DAGLB: variants seen among roughly 807,000 people sequenced by gnomAD.
DAGLB encodes diacylglycerol lipase-beta.
DAGLB carries 66 observed loss-of-function variants against 72.1 expected under a neutral mutation model. The observed-to-expected ratio is 0.92, with a 90% CI of 0.75 to 1.12. DAGLB has a LOEUF of 1.12. Among genes scored for constraint, DAGLB ranks in the 50% most tolerant of loss-of-function variants. The probability of loss-of-function intolerance (pLI) is 0.00; values close to 1 mark genes in which losing one functional copy is unlikely to be tolerated. For missense variants in DAGLB, 1,065 were observed against 884.9 expected (o/e 1.20, Z -2.58); for synonymous variants, 414 against 359.5 (o/e 1.15, Z -1.71).
intron 2 of DAGLB, among the ~76,000 whole-genome samples, chr7:6,443,249 TAAAAAAAAAAA>T (rs60124255): frequency 5.1e-5 from 4 of 78,184 alleles, no homozygotes; most frequent in Middle Eastern, 0.015. Context: ...TTGTCTCTAC[TAAAAAAAAAAA>T]AAAAAAAAAA....
chr7:6,435,061 C>A lies in DAGLB; in HGVS notation c.420-41G>T, dbSNP rs1784611644. The A allele has an allele frequency of 1.9e-6, 3 of 1,600,608 alleles. No individual in the cohort carries two copies. The South Asian group carries it at 3.3e-5, about 18-fold the overall frequency. On this transcript the variant is annotated intron_variant, in intron 3 of 14. Coordinates refer to ENST00000297056, the MANE Select transcript of DAGLB (RefSeq NM_139179.4). The stretch of plus-strand genomic sequence containing the variant: ...AGGAAAAGGCTCGGTGACTGCGGGC[C>A]CCAGCCCAGACGCAGATGTCCGGGG...
chr7:6,409,499 G>A lies in DAGLB; in HGVS notation c.*338C>T, dbSNP rs535515389. On this transcript the variant is annotated 3_prime_UTR_variant, in exon 15 of 15. Coordinates refer to ENST00000297056, the MANE Select transcript of DAGLB (RefSeq NM_139179.4). ...GGTGGGAGGCTAAGGAACTGTTCAC[G>A]GTCTTCTGGGTGGGCCCTGGATTCC... 1.3e-4 allele frequency: 43 copies of A among 334,618 alleles called. No homozygotes were observed. The highest frequency in any genetic ancestry group is 7.8e-4 in the South Asian group (21 of 26,998). The allele number at this position is 334,618 out of a possible 1,614,324, so 20.7% of individuals were successfully genotyped here. A position where few individuals can be genotyped will look rare whatever the true frequency, so the allele number is the denominator to read the frequency against.
chr7:6,431,379 C>T (rs1784484112), intron 5 of DAGLB, among the ~76,000 whole-genome samples: 1 of 152,156 alleles, frequency 6.6e-6, no homozygotes, highest in African/African-American at 2.4e-5. Context: ...GAGAAGAAAG[C>T]AAACACACCC....
At chr7:6,441,248 G>A (rs1784821741) in intron 2 of DAGLB, among the ~76,000 whole-genome samples, 2 of 133,930 alleles carry the variant, frequency 1.5e-5, no homozygotes, top group Non-Finnish European at 3.5e-5. Flanking sequence ...CTGCCACCAC[G>A]CCTGGCTAAT....
intron 13 of DAGLB, among the ~76,000 whole-genome samples, chr7:6,411,224 G>C (rs1440923529): frequency 6.6e-6 from 1 of 151,004 alleles, no homozygotes; most frequent in Non-Finnish European, 1.5e-5. Context: ...AGTCAGGCTG[G>C]TCTCGAACTC....
At chr7:6,428,012 G>A (rs2115268559) in intron 6 of DAGLB, among the ~76,000 whole-genome samples, 1 of 152,206 alleles carries the variant, frequency 6.6e-6, no homozygotes, top group African/African-American at 2.4e-5. Context: ...TTTTTTATAG[G>A]AGAATGACAA....
intron 9 of DAGLB, among the ~76,000 whole-genome samples, chr7:6,419,677 C>A (rs893654029): frequency 1.3e-5 from 2 of 152,214 alleles, no homozygotes; most frequent in Admixed American, 1.3e-4. Flanking sequence ...AGCCAAGCCG[C>A]GGATCCTCAG....
chr7:6,430,391 A>G, intron 6 of DAGLB, 89 bp downstream of exon 6: 1 of 1,372,306 alleles, frequency 7.3e-7, no homozygotes, highest in Non-Finnish European at 9.5e-7. Flanking sequence ...AGTTCTTTGC[A>G]CTGTTCTTTC....
At chr7:6,432,318 C>T (rs982356765) in intron 5 of DAGLB, among the ~76,000 whole-genome samples, 2 of 150,106 alleles carry the variant, frequency 1.3e-5, no homozygotes, top group South Asian at 2.1e-4. Flanking sequence ...CACTCCAGCC[C>T]GAGCAACAAG....
chr7:6,420,905 C>A (rs577204424), intron 9 of DAGLB, among the ~76,000 whole-genome samples: 34 of 152,330 alleles, frequency 2.2e-4, no homozygotes, highest in Admixed American at 5.2e-4. Context: ...AATGACCCGG[C>A]AGAGCGCCCG....
chr7:6,420,473 A>G (rs1384506915), intron 9 of DAGLB, among the ~76,000 whole-genome samples: 4 of 151,998 alleles, frequency 2.6e-5, no homozygotes. Context: ...GGCCACTGAC[A>G]AAAGGACAAA....
intron 2 of DAGLB, chr7:6,445,751 C>T (rs1348046608): frequency 1.9e-6 from 1 of 526,474 alleles, no homozygotes; most frequent in Non-Finnish European, 3.1e-6. Flanking sequence ...GTGTGAGCCA[C>T]TGTGTCCCGC....
At chr7:6,434,705 A>G (rs1784598943) in intron 4 of DAGLB, 57 bp downstream of exon 4, 2 of 1,605,222 alleles carry the variant, frequency 1.2e-6, no homozygotes, top group African/African-American at 1.3e-5. Flanking sequence ...GACCGGCTCC[A>G]TCAGAAGCAT....
At position 6,430,546 on chromosome 7, in the gene DAGLB, GC is replaced by G. The variant is rs752613694; in HGVS notation, c.862del (p.Ala288ProfsTer72). ...CHHYMQFAAAAYGWPLYIYRN... is the reference protein window; with the variant it reads ...CHHYMQFAAAXYGWPLYIYRN... ...GTAGATGTAGAGGGGCCACCCATAG[GC>G]CGCTGCTGCAAACTGCATGTAATGA... On this transcript the variant is annotated frameshift_variant, in exon 6 of 15. Transcript: ENST00000297056. LOFTEE classifies it high-confidence loss of function. The G allele has an allele frequency of 3.7e-6, 6 of 1,602,850 alleles. No individual in the cohort carries two copies. The highest frequency in any genetic ancestry group is 5.1e-6 in the Non-Finnish European group (6 of 1,172,670).
Position 6,435,046 on chromosome 7 carries a change from T to G in DAGLB, c.420-26A>C, listed in dbSNP as rs754606399. 3 of 1,609,676 alleles carry G rather than the reference T, an allele frequency of 1.9e-6. No individual in the cohort carries two copies. In the East Asian group the frequency reaches 6.7e-5, roughly 36 times the overall value. On this transcript the variant is annotated intron_variant, in intron 3 of 14. Coordinates refer to ENST00000297056, the MANE Select transcript of DAGLB (RefSeq NM_139179.4). The stretch of plus-strand genomic sequence containing the variant: ...CTGCAAGACAGAGAGAGGAAAAGGC[T>G]CGGTGACTGCGGGCCCCAGCCCAGA...
intron 2 of DAGLB, among the ~76,000 whole-genome samples, chr7:6,443,849 G>A (rs962908578): frequency 1.3e-5 from 2 of 152,108 alleles, no homozygotes; most frequent in African/African-American, 2.4e-5. Flanking sequence ...TCCTTTATTA[G>A]TCACCACAGT....
At position 6,416,887 on chromosome 7, in the gene DAGLB, CGTT is replaced by C; in HGVS notation, c.1250_1252del (p.Gln417del). ...GCTCAAAATCCCGTCGTTGATGAGT[CGTT>C]GGTAAACGTATCTGGCAGCTTGAGA... On this transcript the variant is annotated inframe_deletion, in exon 10 of 15. Coordinates refer to ENST00000297056, the MANE Select transcript of DAGLB (RefSeq NM_139179.4). The C allele has an allele frequency of 6.2e-7, 1 of 1,614,182 alleles. No individual in the cohort carries two copies. Among genetic ancestry groups the C allele is most frequent in the Non-Finnish European group, 8.5e-7 (1 of 1,180,036 alleles).
At chr7:6,437,157 A>ATAATAG (rs1562487965) in intron 2 of DAGLB, among the ~76,000 whole-genome samples, 1 of 126,080 alleles carries the variant, frequency 7.9e-6, no homozygotes, top group East Asian at 2.1e-4. Flanking sequence ...CCGTCTCAAA[A>ATAATAG]TAATAATAAT....
At chr7:6,414,996 C>CTG (rs1380092856) in intron 11 of DAGLB, among the ~76,000 whole-genome samples, 1 of 151,924 alleles carries the variant, frequency 6.6e-6, no homozygotes, top group Non-Finnish European at 1.5e-5. Flanking sequence ...TAGCAAGACC[C>CTG]TGTTCCTTAC....
Sources: gnomAD v4.1 joint callset for allele counts (sites outside exome capture counted in the v4.1 genomes callset) on GRCh38, gnomAD v4.1.1 for gene constraint, MANE v1.5 for transcripts, NCBI Gene and HGNC (gene_info 2026-07-23, HGNC 2026-07-21) for gene names.